Variants in TEC observed in about 807,000 individuals in gnomAD.
TEC encodes tyrosine-protein kinase Tec.
TEC carries 72 observed loss-of-function variants against 93.0 expected under a neutral mutation model. The observed-to-expected ratio is 0.77, with a 90% confidence interval of 0.64 to 0.94. The LOEUF (loss-of-function observed/expected upper bound fraction) is 0.94, where lower values mean the gene tolerates loss of function less well. TEC is among the 40% of genes least tolerant of loss of function. The pLI, the probability that TEC is intolerant of heterozygous loss-of-function variation, is 0.00. For missense variants in TEC, 630 were observed against 757.9 expected, an observed-to-expected ratio of 0.83 and a Z score of 1.98; for synonymous variants, 249 against 247.7, an observed-to-expected ratio of 1.01 and a Z score of -0.05.
At chr4:48,186,929 G>GT (rs1162135233) in intron 2 of TEC, among the ~76,000 whole-genome samples, 1 of 152,272 alleles carries the variant, frequency 6.6e-6, no homozygotes, top group African/African-American at 2.4e-5. Context: ...CATCTGGGAG[G>GT]TGTACCCAAC....
rs1577710286 is a variant in TEC, at chr4:48,160,858, G to GAA, written c.737+2843_737+2844insTT. On this transcript the variant is annotated intron_variant, in intron 8 of 17. Transcript: ENST00000381501. ...GGGAGGGAGAGAGGGAGGGAGGAAG[G>GAA]GAGGAAGGAATTAATTCAAAAGCAG... Among the ~76,000 whole-genome samples the GAA allele has an allele frequency of 3.4e-5, 5 of 149,084 alleles. No homozygotes were observed. In the East Asian group the frequency reaches 6.3e-4, roughly 19 times the overall value.
intron 2 of TEC, among the ~76,000 whole-genome samples, chr4:48,212,962 G>C (rs1386223045): frequency 6.6e-6 from 1 of 152,154 alleles, no homozygotes; most frequent in Non-Finnish European, 1.5e-5. Flanking sequence ...GATGAAGAAA[G>C]TAAAACAAAT....
intron 2 of TEC, among the ~76,000 whole-genome samples, chr4:48,207,409 T>C (rs1722749371): frequency 6.6e-6 from 1 of 152,152 alleles, no homozygotes; most frequent in Admixed American, 6.5e-5. Context: ...TTTAGGCTCC[T>C]TGTATTCCTC....
intron 2 of TEC, among the ~76,000 whole-genome samples, chr4:48,193,226 G>A (rs1722155390): frequency 6.6e-6 from 1 of 151,506 alleles, no homozygotes; most frequent in Admixed American, 6.6e-5. Context: ...CTGGGATCAA[G>A]CGATCCTCCC....
intron 14 of TEC, among the ~76,000 whole-genome samples, chr4:48,142,583 A>T (rs986977285): frequency 4.6e-5 from 7 of 152,238 alleles, no homozygotes; most frequent in Non-Finnish European, 8.8e-5. Context: ...TTTAATTTAT[A>T]TTTTCTTGCA....
At chr4:48,191,000 C>T (rs753220132) in intron 2 of TEC, among the ~76,000 whole-genome samples, 9 of 152,152 alleles carry the variant, frequency 5.9e-5, no homozygotes, top group Non-Finnish European at 1.2e-4. Context: ...AATGTTTTAA[C>T]ACAGCAGAGT....
chr4:48,155,248 T>C (rs1445027383), intron 9 of TEC, among the ~76,000 whole-genome samples: 2 of 152,234 alleles, frequency 1.3e-5, no homozygotes, highest in Non-Finnish European at 2.9e-5. Flanking sequence ...TTTCTTCTAT[T>C]GTAAAACAGA....
intron 9 of TEC, among the ~76,000 whole-genome samples, chr4:48,155,176 T>C (rs1347917927): frequency 6.6e-6 from 1 of 152,250 alleles, no homozygotes; most frequent in Admixed American, 6.5e-5. Flanking sequence ...TTATGTAAAG[T>C]AGCTGTGTCT....
chr4:48,146,103 G>T (rs1170225585), intron 12 of TEC, among the ~76,000 whole-genome samples: 1 of 152,112 alleles, frequency 6.6e-6, no homozygotes, highest in Admixed American at 6.6e-5. Flanking sequence ...ACATGATAAT[G>T]CTTATTTTTC....
intron 2 of TEC, among the ~76,000 whole-genome samples, chr4:48,211,361 T>C (rs1488265730): frequency 1.3e-5 from 2 of 152,196 alleles, no homozygotes; most frequent in Non-Finnish European, 2.9e-5. Context: ...ACACCTATCA[T>C]TAGAAAGTGA....
chr4:48,246,447 T>G (rs1724058301), intron 1 of TEC, among the ~76,000 whole-genome samples: 1 of 150,816 alleles, frequency 6.6e-6, no homozygotes, highest in African/African-American at 2.4e-5. Flanking sequence ...TATAGTAAAA[T>G]TAATAGACAA....
At chr4:48,213,291 A>G (rs1722971891) in intron 2 of TEC, among the ~76,000 whole-genome samples, 1 of 152,218 alleles carries the variant, frequency 6.6e-6, no homozygotes, top group South Asian at 2.1e-4. Flanking sequence ...TATTGCACAT[A>G]TTTTGTAGTA....
chr4:48,158,963 G>A (rs1285148217), intron 8 of TEC, among the ~76,000 whole-genome samples: 1 of 151,976 alleles, frequency 6.6e-6, no homozygotes, highest in Non-Finnish European at 1.5e-5. Context: ...TTGAAAGACA[G>A]AAAGGAGGAA....
intron 3 of TEC, among the ~76,000 whole-genome samples, chr4:48,171,776 T>C (rs1262865591): frequency 6.6e-6 from 1 of 152,244 alleles, no homozygotes; most frequent in Admixed American, 6.5e-5. Context: ...AATAATATTT[T>C]AGATGAATGG....
At chr4:48,266,853 C>T (rs542149461) in intron 1 of TEC, among the ~76,000 whole-genome samples, 23 of 142,392 alleles carry the variant, frequency 1.6e-4, no homozygotes, top group South Asian at 4.5e-4. Context: ...AAAAAAAAAA[C>T]GAAAAAAAAG....
chr4:48,215,841 G>A (rs1723060268), intron 2 of TEC, among the ~76,000 whole-genome samples: 1 of 152,152 alleles, frequency 6.6e-6, no homozygotes, highest in East Asian at 1.9e-4. Flanking sequence ...CTAAGGCAGT[G>A]CACTCAGAGA....
intron 17 of TEC, among the ~76,000 whole-genome samples, 159 bp downstream of exon 17, chr4:48,138,506 G>A (rs907584298): frequency 5.9e-5 from 9 of 152,144 alleles, no homozygotes; most frequent in East Asian, 1.9e-4. Context: ...TCTTCTTCCC[G>A]TTATTCAGAA....
chr4:48,182,300 T>C (rs1378275731), intron 2 of TEC, among the ~76,000 whole-genome samples: 1 of 136,332 alleles, frequency 7.3e-6, no homozygotes, highest in Non-Finnish European at 1.6e-5. Flanking sequence ...AAAAAAAAAA[T>C]TGTGGCCCAA....
intron 2 of TEC, among the ~76,000 whole-genome samples, chr4:48,188,807 G>C (rs867601922): frequency 1.2e-4 from 19 of 152,170 alleles, no homozygotes; most frequent in South Asian, 4.1e-4. Context: ...AAACTTTAAA[G>C]AAAATGTTTT....
Sources: allele counts gnomAD v4.1 joint callset (sites outside exome capture counted in the v4.1 genomes callset), GRCh38; gene constraint gnomAD v4.1.1; transcripts MANE v1.5; gene names NCBI Gene and HGNC (gene_info 2026-07-23, HGNC 2026-07-21).